BACH2: variants seen among roughly 807,000 people sequenced by gnomAD.
The protein encoded by BACH2 is transcription regulator protein BACH2.
BACH2 carries 5 observed loss-of-function variants against 61.8 expected under a neutral mutation model. The ratio of observed to expected loss-of-function variants is 0.08; its 90% CI spans 0.04 to 0.17. The LOEUF is 0.17. Ranked by LOEUF, BACH2 falls within the 10% of genes least tolerant of loss-of-function variation. BACH2 has a pLI of 1.00. For synonymous variants in BACH2, 446 were observed against 440.1 expected, an observed-to-expected ratio of 1.01 and a Z score of -0.17; for missense variants, 824 against 1,091.1, an observed-to-expected ratio of 0.76 and a Z score of 3.45.
intron 5 of BACH2, among the ~76,000 whole-genome samples, chr6:90,079,478 T>C (rs1037598337): frequency 2.0e-5 from 3 of 152,220 alleles, no homozygotes; most frequent in South Asian, 2.1e-4. Flanking sequence ...TCTTTCTTCC[T>C]TCCATCAACA....
At chr6:89,984,487 TA>T (rs1776130785) in intron 6 of BACH2, among the ~76,000 whole-genome samples, 1 of 151,976 alleles carries the variant, frequency 6.6e-6, no homozygotes, top group Non-Finnish European at 1.5e-5. Flanking sequence ...GCAGAAGAGC[TA>T]GGATATTTTG....
chr6:89,951,328 C>T lies in BACH2; in HGVS notation c.778G>A (p.Asp260Asn). The T allele has an allele frequency of 6.2e-7, 1 of 1,614,224 alleles. No homozygotes were observed. The stretch of plus-strand genomic sequence containing the variant: ...GGCTTGAGGCTGTTGCTAGAGTTAT[C>T]TTCCCGGAATGTGCTTGCAAAACCT... ...TSGFASTFRE[D>N]NSSNSLKPGL... The change falls in exon 7 of 9, where the codon GAT becomes AAT. Residue 260 changes from aspartate to asparagine, a missense_variant. Asp to Asn is a conservative substitution (Grantham distance 23). Transcript: ENST00000257749. This position sits in a 1 kb window ranked among gnomAD's most constrained non-coding sequence, Gnocchi z 6.4.
At chr6:90,024,593 A>G (rs534495841) in intron 5 of BACH2, among the ~76,000 whole-genome samples, 1 of 152,302 alleles carries the variant, frequency 6.6e-6, no homozygotes, top group East Asian at 1.9e-4. Flanking sequence ...CTATGGTTCT[A>G]TGAAAGTATA....
At chr6:90,107,687 G>A (rs1782986642) in intron 4 of BACH2, among the ~76,000 whole-genome samples, 1 of 150,030 alleles carries the variant, frequency 6.7e-6, no homozygotes, top group Non-Finnish European at 1.5e-5. Flanking sequence ...TTTTTTAGTG[G>A]GGGTGTGGGA....
intron 5 of BACH2, among the ~76,000 whole-genome samples, chr6:90,054,257 C>A (rs530430798): frequency 6.6e-6 from 1 of 152,322 alleles, no homozygotes; most frequent in South Asian, 2.1e-4. Flanking sequence ...AAAATCAGGT[C>A]ACTTCCACCC....
At chr6:90,253,741 T>C (rs1263613832) in intron 2 of BACH2, among the ~76,000 whole-genome samples, 3 of 152,218 alleles carry the variant, frequency 2.0e-5, no homozygotes, top group African/African-American at 7.2e-5. Flanking sequence ...AGAATCCAAG[T>C]GTATTTTAAA....
At chr6:90,046,205 C>A (rs968945320) in intron 5 of BACH2, among the ~76,000 whole-genome samples, 2 of 152,142 alleles carry the variant, frequency 1.3e-5, no homozygotes, top group Admixed American at 1.3e-4. Context: ...CAAAAAAGAG[C>A]AAAATTGTGT....
intron 6 of BACH2, among the ~76,000 whole-genome samples, chr6:89,965,927 C>A (rs1775023329): frequency 1.3e-5 from 2 of 152,046 alleles, no homozygotes; most frequent in Non-Finnish European, 2.9e-5. Flanking sequence ...GTCATTTGTC[C>A]CTTTCATTTG....
At chr6:90,257,312 C>G (rs1316037870) in intron 2 of BACH2, among the ~76,000 whole-genome samples, 6 of 152,172 alleles carry the variant, frequency 3.9e-5, no homozygotes, top group Admixed American at 3.9e-4. Context: ...ATAACGTTTT[C>G]CATAACGGCT....
chr6:90,209,396 A>C (rs1311143184), intron 3 of BACH2, among the ~76,000 whole-genome samples: 2 of 152,226 alleles, frequency 1.3e-5, no homozygotes, highest in Non-Finnish European at 2.9e-5. Flanking sequence ...AGTGACTGAA[A>C]AAAATAATGC....
At chr6:90,072,499 G>C (rs1781281382) in intron 5 of BACH2, among the ~76,000 whole-genome samples, 1 of 152,164 alleles carries the variant, frequency 6.6e-6, no homozygotes, top group African/African-American at 2.4e-5. Flanking sequence ...TCTTATCAAG[G>C]CAGTTTTCTC....
rs568394941 is a variant in BACH2 at position 90,148,517 on chromosome 6, T to C, written c.-162+58052A>G. Among the ~76,000 whole-genome samples the C allele has an allele frequency of 2.6e-5, 4 of 152,016 alleles. No homozygotes were observed. The South Asian group carries it at 8.3e-4, about 32-fold the overall frequency. ...CAACAGTGGAAAAACTAGACAACGG[T>C]GGAAAAATGTCCAGTAATAAGCCAT... On this transcript the variant is annotated intron_variant, in intron 4 of 8. Transcript: ENST00000257749.
chr6:90,041,609 T>C (rs1436075677), intron 5 of BACH2, among the ~76,000 whole-genome samples: 2 of 152,186 alleles, frequency 1.3e-5, no homozygotes, highest in Non-Finnish European at 2.9e-5. Context: ...GTTGGTCTGA[T>C]GGATTATCCT....
chr6:90,186,281 T>C (rs1768353252), intron 4 of BACH2, among the ~76,000 whole-genome samples: 1 of 152,158 alleles, frequency 6.6e-6, no homozygotes, highest in African/African-American at 2.4e-5. Context: ...AAAACAGCCC[T>C]AAGTCAAACC....
chr6:90,002,599 G>A (rs565228192), intron 6 of BACH2, among the ~76,000 whole-genome samples: 11 of 152,200 alleles, frequency 7.2e-5, no homozygotes, highest in East Asian at 1.9e-4. Context: ...GCAAAATCCC[G>A]TCTCTACTGA....
intron 5 of BACH2, among the ~76,000 whole-genome samples, chr6:90,032,684 C>A (rs1030063236): frequency 6.6e-6 from 1 of 152,158 alleles, no homozygotes. Context: ...TTAGAATGGC[C>A]ATCATTAAAA....
chr6:89,980,637 T>C (rs1775899501), intron 6 of BACH2, among the ~76,000 whole-genome samples: 1 of 152,220 alleles, frequency 6.6e-6, no homozygotes, highest in African/African-American at 2.4e-5. Flanking sequence ...TACTGTTTTT[T>C]GGCCCTGAGG....
intron 5 of BACH2, among the ~76,000 whole-genome samples, chr6:90,039,391 A>G (rs553902616): frequency 6.6e-6 from 1 of 152,148 alleles, no homozygotes; most frequent in East Asian, 1.9e-4. Context: ...GTACAAGAGT[A>G]CTTTTTTTTT....
chr6:89,978,416 G>A (rs1246070492), intron 6 of BACH2, among the ~76,000 whole-genome samples: 1 of 152,152 alleles, frequency 6.6e-6, no homozygotes, highest in Non-Finnish European at 1.5e-5. Context: ...CTACCAGCAA[G>A]TAATGAATGC....
Sources: gnomAD v4.1 joint callset for allele counts (sites outside exome capture counted in the v4.1 genomes callset) on GRCh38, gnomAD v4.1.1 for gene constraint, Gnocchi (gnomAD v3.1) non-coding constraint, MANE v1.5 for transcripts, NCBI Gene and HGNC (gene_info 2026-07-23, HGNC 2026-07-21) for gene names.